Variants in SORCS2 observed in about 807,000 individuals in gnomAD.
SORCS2 encodes VPS10 domain-containing receptor SorCS2.
In SORCS2, 100 loss-of-function variants were observed where a neutral mutation model predicts 141.6. The observed-to-expected ratio is 0.71, with a 90% CI of 0.60 to 0.83. The LOEUF (loss-of-function observed/expected upper bound fraction) is 0.83. Among genes scored for constraint, SORCS2 ranks in the 40% least tolerant of loss-of-function variants. SORCS2 has a pLI of 0.00. For synonymous variants in SORCS2, 789 were observed against 676.9 expected (o/e 1.17, Z -2.57); for missense variants, 1,646 against 1,560.2 (o/e 1.05, Z -0.93).
chr4:7,592,338 G>T (rs557367976), intron 3 of SORCS2, among the ~76,000 whole-genome samples: 1 of 152,020 alleles, frequency 6.6e-6, no homozygotes, highest in Non-Finnish European at 1.5e-5. Flanking sequence ...TGCCTTACTC[G>T]CCCTGGTGAC....
At chr4:7,404,994 C>A (rs1724880828) in intron 2 of SORCS2, among the ~76,000 whole-genome samples, 1 of 152,146 alleles carries the variant, frequency 6.6e-6, no homozygotes, top group African/African-American at 2.4e-5. Flanking sequence ...TTGGGCCTTA[C>A]ATTAAAGTCT....
chr4:7,495,232 C>G (rs1186948588), intron 2 of SORCS2, among the ~76,000 whole-genome samples: 2 of 152,224 alleles, frequency 1.3e-5, no homozygotes. Flanking sequence ...TCTGCCTCCC[C>G]TTGGAGCTGC....
chr4:7,549,294 A>G (rs1347714918), intron 3 of SORCS2, among the ~76,000 whole-genome samples: 1 of 152,258 alleles, frequency 6.6e-6, no homozygotes, highest in Non-Finnish European at 1.5e-5. Flanking sequence ...CTCAGCAGCA[A>G]GTCTATCGAT....
intron 1 of SORCS2, among the ~76,000 whole-genome samples, chr4:7,334,008 C>T (rs746283181): frequency 2.0e-5 from 3 of 152,148 alleles, no homozygotes; most frequent in Non-Finnish European, 4.4e-5. Flanking sequence ...CTGCCAGAGC[C>T]GACTGGGACC....
At position 7,220,087 on chromosome 4, in the gene SORCS2, T is replaced by C. The variant is rs1307511061; in HGVS notation, c.480+26961T>C. Among the ~76,000 whole-genome samples, 13 of 152,086 alleles carry C rather than the reference T, an allele frequency of 8.5e-5. No homozygotes were observed. In the East Asian group the frequency reaches 2.5e-3, roughly 29 times the overall value. The stretch of plus-strand genomic sequence containing the variant: ...GACTGACCCCTCAAAGCAGAAGACT[T>C]GGTTTTACTGGAGTTGGGCTGAGAC... On this transcript the variant is annotated intron_variant, in intron 1 of 26. Transcript: ENST00000507866.
chr4:7,618,192 C>T (rs1044419322), intron 3 of SORCS2, among the ~76,000 whole-genome samples: 22 of 152,216 alleles, frequency 1.4e-4, no homozygotes, highest in Admixed American at 5.2e-4. Flanking sequence ...GGAAGTGGTC[C>T]CATCCCCCTT....
At chr4:7,339,632 A>G (rs1228315002) in intron 1 of SORCS2, among the ~76,000 whole-genome samples, 3 of 152,124 alleles carry the variant, frequency 2.0e-5, no homozygotes, top group African/African-American at 4.8e-5. Context: ...ACCCAGTCAT[A>G]TTGGGCTCAC....
chr4:7,445,267 A>G (rs1370062787), intron 2 of SORCS2, among the ~76,000 whole-genome samples: 2 of 152,190 alleles, frequency 1.3e-5, no homozygotes, highest in Non-Finnish European at 1.5e-5. Flanking sequence ...CCTGAGGAGC[A>G]AGTACAGAAG....
chr4:7,244,536 A>G (rs1260178167), intron 1 of SORCS2, among the ~76,000 whole-genome samples: 3 of 152,204 alleles, frequency 2.0e-5, no homozygotes, highest in Non-Finnish European at 2.9e-5. Flanking sequence ...TTCAGGGCCC[A>G]TGTGTTCTCA....
chr4:7,203,554 C>T (rs1166299320), intron 1 of SORCS2, among the ~76,000 whole-genome samples: 2 of 132,806 alleles, frequency 1.5e-5, no homozygotes, highest in African/African-American at 2.9e-5. Flanking sequence ...ACGGAGATTG[C>T]AGTGAGCCGA....
chr4:7,680,601 T>G (rs1723463904), intron 9 of SORCS2, among the ~76,000 whole-genome samples: 1 of 152,236 alleles, frequency 6.6e-6, no homozygotes, highest in Non-Finnish European at 1.5e-5. Context: ...AAGGCTACCC[T>G]CTAGACCACA....
At chr4:7,724,489 GTGGTGGTGACAA>G (rs1726929581) in intron 19 of SORCS2, among the ~76,000 whole-genome samples, 2 of 143,976 alleles carry the variant, frequency 1.4e-5, no homozygotes, top group African/African-American at 2.7e-5. Flanking sequence ...GGTGATGGTG[GTGGTGGTGACAA>G]TGGTGGTGGT....
At position 7,739,280 on chromosome 4, in the gene SORCS2, C is replaced by T. The variant is rs150891735; in HGVS notation, c.3416-920C>T. ...TAAAGACCCCTCCACTGGTCTTGCT[C>T]CTGCTGGGGCAGGAGGTGGTTTTGG... On this transcript the variant is annotated intron_variant, in intron 26 of 26. Coordinates refer to ENST00000507866, the MANE Select transcript of SORCS2 (RefSeq NM_020777.3). Among the ~76,000 whole-genome samples the T allele has an allele frequency of 3.3e-5, 5 of 152,222 alleles. No homozygotes were observed. The East Asian group carries it at 5.8e-4, about 18-fold the overall frequency.
chr4:7,403,998 T>TATATATATATATATATATATATATATA (rs59841056), intron 2 of SORCS2, among the ~76,000 whole-genome samples: 2 of 12,412 alleles, frequency 1.6e-4, no homozygotes, highest in Non-Finnish European at 3.3e-4. Flanking sequence ...TATATATATA[T>TATATATATATATATATATATATATATA]TTTTTTTTTT....
intron 2 of SORCS2, among the ~76,000 whole-genome samples, chr4:7,523,089 C>CCCTCCTCCCTCTG (rs71589603): frequency 0.2 from 27,977 of 140,908 alleles, 2,998 homozygotes; most frequent in Middle Eastern, 0.27. Context: ...CTTCCCATTT[C>CCCTCCTCCCTCTG]CCTCCTCCCT....
intron 14 of SORCS2, among the ~76,000 whole-genome samples, chr4:7,708,403 A>C (rs1725611205): frequency 6.6e-6 from 1 of 152,194 alleles, no homozygotes; most frequent in Non-Finnish European, 1.5e-5. Flanking sequence ...CGTTATTCCC[A>C]AGAAGGCGAG....
chr4:7,570,931 G>C (rs915206975), intron 3 of SORCS2, among the ~76,000 whole-genome samples: 2 of 152,122 alleles, frequency 1.3e-5, no homozygotes, highest in African/African-American at 4.8e-5. Flanking sequence ...CTGGCTGTTG[G>C]CTTTGCTGTT....
chr4:7,460,938 G>A (rs886940748), intron 2 of SORCS2, among the ~76,000 whole-genome samples: 5 of 150,974 alleles, frequency 3.3e-5, no homozygotes, highest in South Asian at 2.1e-4. Context: ...ACAGGCACCC[G>A]GTTTCCATCG....
At chr4:7,489,375 C>T (rs557624878) in intron 2 of SORCS2, among the ~76,000 whole-genome samples, 12 of 152,254 alleles carry the variant, frequency 7.9e-5, no homozygotes, top group African/African-American at 2.4e-4. Context: ...ATTGATTTGC[C>T]GCTCCCTGTG....
Sources: gnomAD v4.1 joint callset for allele counts (sites outside exome capture counted in the v4.1 genomes callset) on GRCh38, gnomAD v4.1.1 for gene constraint, MANE v1.5 for transcripts, NCBI Gene and HGNC (gene_info 2026-07-23, HGNC 2026-07-21) for gene names.